AFG1L: variants seen among roughly 807,000 people sequenced by gnomAD.
AFG1L encodes AFG1 like ATPase, also known as AFG1-like ATPase.
Under a neutral mutation model 62.2 loss-of-function variants are expected in AFG1L, and 53 were observed. The ratio of observed to expected loss-of-function variants is 0.85; its 90% CI spans 0.68 to 1.07. The LOEUF is 1.07. AFG1L is among the 50% of genes least tolerant of loss of function. AFG1L has a pLI of 0.00. For synonymous variants in AFG1L, 228 were observed against 210.3 expected (o/e 1.08, Z -0.73); for missense variants, 555 against 590.5 (o/e 0.94, Z 0.62).
intron 7 of AFG1L, among the ~76,000 whole-genome samples, chr6:108,422,486 A>AAAAAAAAAAAAAAAAAT (rs1462650067): frequency 1.4e-5 from 2 of 146,970 alleles, no homozygotes; most frequent in African/African-American, 5.1e-5. Flanking sequence ...GCAAAAAAAA[A>AAAAAAAAAAAAAAAAAT]AAAAAAAAAA....
At chr6:108,439,966 A>T (rs1771469643) in intron 7 of AFG1L, among the ~76,000 whole-genome samples, 1 of 152,124 alleles carries the variant, frequency 6.6e-6, no homozygotes, top group African/African-American at 2.4e-5. Context: ...TCTTTCATAG[A>T]ACTTTTAAGA....
intron 11 of AFG1L, among the ~76,000 whole-genome samples, chr6:108,517,350 A>G (rs190378450): frequency 1.2e-3 from 190 of 152,346 alleles, no homozygotes; most frequent in Admixed American, 3.9e-3. Context: ...GTAATGCCAC[A>G]TATCTACAAC....
At chr6:108,477,623 G>A (rs1773163615) in intron 10 of AFG1L, among the ~76,000 whole-genome samples, 1 of 152,040 alleles carries the variant, frequency 6.6e-6, no homozygotes, top group Admixed American at 6.6e-5. Context: ...GTGAGAGTTA[G>A]GAAAAAGGAA....
chr6:108,441,137 G>T (rs1299657811), intron 7 of AFG1L, among the ~76,000 whole-genome samples: 1 of 152,132 alleles, frequency 6.6e-6, no homozygotes, highest in Non-Finnish European at 1.5e-5. Flanking sequence ...AGTTTTAAAA[G>T]ATTTTCTCCA....
intron 8 of AFG1L, 33 bp from the exon 9 acceptor site, chr6:108,476,832 T>G (rs764088353): frequency 6.5e-7 from 1 of 1,539,330 alleles, no homozygotes; most frequent in Non-Finnish European, 9.0e-7. Flanking sequence ...CAAGTGTTAT[T>G]AATTTCATAT....
intron 12 of AFG1L, chr6:108,521,500 A>G (rs1425928548): frequency 6.6e-6 from 1 of 152,178 alleles, no homozygotes; most frequent in Non-Finnish European, 1.5e-5. Flanking sequence ...CCCTATCTCA[A>G]ATTCCCCTAG....
chr6:108,305,192 T>C (rs1346548201), intron 1 of AFG1L, among the ~76,000 whole-genome samples: 4 of 152,242 alleles, frequency 2.6e-5, no homozygotes, highest in African/African-American at 7.2e-5. Context: ...ATTTTAATTC[T>C]GGAGAGGCTC....
chr6:108,371,565 A>G (rs553481190), intron 6 of AFG1L, among the ~76,000 whole-genome samples: 3 of 148,486 alleles, frequency 2.0e-5, no homozygotes, highest in South Asian at 2.3e-4. Flanking sequence ...AGATCTCCCT[A>G]TGTTGCCCAG....
chr6:108,305,549 C>T (rs1216662360), intron 1 of AFG1L, among the ~76,000 whole-genome samples: 2 of 152,036 alleles, frequency 1.3e-5, no homozygotes, highest in Non-Finnish European at 2.9e-5. Context: ...CCAGTACGCC[C>T]GGCTAATGTT....
chr6:108,493,035 G>C (rs1468982482), intron 10 of AFG1L, among the ~76,000 whole-genome samples: 2 of 152,008 alleles, frequency 1.3e-5, no homozygotes, highest in African/African-American at 4.8e-5. Context: ...GGAAAGTATG[G>C]GTTCTTTTAT....
At chr6:108,314,629 G>A (rs1777524431) in intron 1 of AFG1L, among the ~76,000 whole-genome samples, 4 of 151,940 alleles carry the variant, frequency 2.6e-5, no homozygotes, top group African/African-American at 9.7e-5. Context: ...AGACTCCTGA[G>A]CTCAGGCCAT....
At chr6:108,416,800 G>A (rs1016132162) in intron 7 of AFG1L, among the ~76,000 whole-genome samples, 3 of 152,076 alleles carry the variant, frequency 2.0e-5, no homozygotes, top group Non-Finnish European at 2.9e-5. Flanking sequence ...GGGAGGGATA[G>A]CATTAGGAGA....
intron 6 of AFG1L, among the ~76,000 whole-genome samples, chr6:108,370,135 G>A (rs1177385051): frequency 3.6e-4 from 1 of 2,794 alleles, no homozygotes; most frequent in Non-Finnish European, 6.9e-3. Flanking sequence ...TAAGGTACAA[G>A]TTGATCTGTA....
chr6:108,431,772 C>T (rs562891852), intron 7 of AFG1L, among the ~76,000 whole-genome samples: 8 of 151,660 alleles, frequency 5.3e-5, no homozygotes, highest in South Asian at 2.1e-4. Context: ...TTAGTAGAGA[C>T]GGGGTTTCAC....
intron 2 of AFG1L, among the ~76,000 whole-genome samples, chr6:108,333,181 G>A (rs1172554650): frequency 6.6e-6 from 1 of 151,320 alleles, no homozygotes; most frequent in Non-Finnish European, 1.5e-5. Context: ...AGGCCGAGGC[G>A]GGCAGATCAC....
chr6:108,513,982 T>G (rs565272586), intron 11 of AFG1L, among the ~76,000 whole-genome samples: 2 of 152,328 alleles, frequency 1.3e-5, no homozygotes, highest in South Asian at 4.1e-4. Context: ...CAGCCTCCAC[T>G]GCTGATACCC....
chr6:108,460,267 G>T (rs1055978631), intron 8 of AFG1L, among the ~76,000 whole-genome samples: 59 of 152,206 alleles, frequency 3.9e-4, no homozygotes, highest in Admixed American at 1.4e-3. Context: ...GAAAAAGAGA[G>T]AGAGATGGAT....
intron 3 of AFG1L, among the ~76,000 whole-genome samples, chr6:108,347,450 G>C (rs1303197517): frequency 6.6e-6 from 1 of 151,976 alleles, no homozygotes; most frequent in Non-Finnish European, 1.5e-5. Flanking sequence ...CTAAGCCCTT[G>C]GATGAATAAT....
chr6:108,474,879 G>A (rs569254504), intron 8 of AFG1L, among the ~76,000 whole-genome samples: 1 of 152,256 alleles, frequency 6.6e-6, no homozygotes, highest in Admixed American at 6.5e-5. Context: ...CTGTGCAGAA[G>A]CTCTTTAGTT....
Sources: gnomAD v4.1 joint callset for allele counts (sites outside exome capture counted in the v4.1 genomes callset) on GRCh38, gnomAD v4.1.1 for gene constraint, MANE v1.5 for transcripts, NCBI Gene and HGNC (gene_info 2026-07-23, HGNC 2026-07-21) for gene names.